Variants in POLDIP3 observed in about 807,000 individuals in gnomAD.
The protein encoded by POLDIP3 is polymerase delta-interacting protein 3.
POLDIP3 carries 14 observed loss-of-function variants against 45.1 expected under a neutral mutation model. The ratio of observed to expected loss-of-function variants is 0.31; its 90% CI spans 0.20 to 0.49. The LOEUF (loss-of-function observed/expected upper bound fraction) is 0.49, where lower values mean the gene tolerates loss of function less well. Among genes scored for constraint, POLDIP3 ranks in the 20% least tolerant of loss-of-function variants. The pLI, the probability that POLDIP3 is intolerant of heterozygous loss-of-function variation, is 0.99. For synonymous variants in POLDIP3, 223 were observed against 205.2 expected (o/e 1.09, Z -0.74); for missense variants, 511 against 538.8 (o/e 0.95, Z 0.51).
rs1021895484 is a variant in POLDIP3 at position 42,596,210 on chromosome 22, G to A, written c.789C>T (p.Pro263=). 6.2e-7 allele frequency: 1 copy of A among 1,614,140 alleles called. No homozygotes were observed. The highest frequency in any genetic ancestry group is 1.1e-5 in the South Asian group (1 of 91,076). Residue 263 remains proline (P), a synonymous_variant, in exon 5 of 9, where the codon CCC becomes CCT. Coordinates refer to ENST00000252115, the MANE Select transcript of POLDIP3 (RefSeq NM_032311.5). The part of the protein sequence containing the change: ...MSRTLVNKEE[P]PKELPAAEPV... ...CCTCAGCAGCTGGCAGCTCTTTGGG[G>A]GGTTCTTCCTTGTTCACCAGTGTCC...
intron 1 of POLDIP3, among the ~76,000 whole-genome samples, chr22:42,614,050 C>A (rs1467598568): frequency 6.6e-6 from 1 of 152,150 alleles, no homozygotes; most frequent in Admixed American, 6.6e-5. Context: ...AAGGAAATAA[C>A]CAATCTCCTG....
intron 4 of POLDIP3, 59 bp from the exon 5 acceptor site, chr22:42,596,424 C>A: frequency 6.6e-7 from 1 of 1,518,752 alleles, no homozygotes; most frequent in South Asian, 1.2e-5. Flanking sequence ...CTGAAGAAGC[C>A]CCAAGAGGTT....
rs780061985 is a variant in POLDIP3, at chr22:42,603,020, A to G, written c.200T>C (p.Leu67Pro). 1.2e-6 allele frequency: 2 copies of G among 1,614,056 alleles called. No individual in the cohort carries two copies. The highest frequency in any genetic ancestry group is 1.7e-6 in the Non-Finnish European group (2 of 1,180,018). ...CCGGGCATCCTTGACTCCCAGTTTG[A>G]GCCGGGCATCTGAGAGGCCAATCTT... Reference protein sequence around the residue: ...RQKIGLSDARLKLGVKDAREK... With the variant: ...RQKIGLSDARPKLGVKDAREK... Residue 67 changes from leucine to proline, a missense_variant, in exon 2 of 9, where the codon CTC (leucine) becomes CCC (proline). Physicochemically the swap from Leu to Pro is moderately conservative, Grantham distance 98 (BLOSUM62 -3). Coordinates refer to ENST00000252115, the MANE Select transcript of POLDIP3 (RefSeq NM_032311.5).
In POLDIP3 at chr22:42,602,786, A is replaced by G. The variant is rs1300999378; in HGVS notation, c.434T>C (p.Leu145Pro). The G allele has an allele frequency of 2.5e-6, 4 of 1,603,574 alleles. No homozygotes were observed. The highest frequency in any genetic ancestry group is 3.4e-6 in the Non-Finnish European group (4 of 1,174,046). Residue 145 changes from leucine to proline, a missense_variant, in exon 2 of 9, where the codon CTC becomes CCC. Physicochemically the swap from Leu to Pro is moderately conservative, Grantham distance 98. Around this residue, in one of 4 missense-constraint regions of POLDIP3, gnomAD observed 378 missense variants for 352.3 expected, o/e 1.07. Coordinates refer to ENST00000252115, the MANE Select transcript of POLDIP3 (RefSeq NM_032311.5). ...PIGTVTPALK[L>P]TKTIQVPQQK... ...ACAACTCACCTGGATGGTTTTGGTG[A>G]GCTTCAGAGCAGGGGTCACTGTCCC...
rs566768182 is a variant in POLDIP3 at position 42,591,087 on chromosome 22, A to G, written c.1021+868T>C. ...AAACTCAAAAAAAATAAAAAAATAA[A>G]AAAATAATAAAAAATAAAAATAAAA... On this transcript the variant is annotated intron_variant, in intron 7 of 8. Transcript: ENST00000252115. Among the ~76,000 whole-genome samples, 85 of 148,114 alleles carry G rather than the reference A, an allele frequency of 5.7e-4. 1 individual carries two copies. In the East Asian group the frequency reaches 9.9e-3, roughly 17 times the overall value.
In POLDIP3 at chr22:42,602,848, C is replaced by T; in HGVS notation, c.372G>A (p.Lys124=). Residue 124 remains lysine (K), a synonymous_variant, in exon 2 of 9, where the codon AAG becomes AAA. Transcript: ENST00000252115. ...TTATGAAGGCAGCAGGGGAACTCCT[C>T]TTCAAGCTGATCTTCTCCCGGGCAT... is the stretch of plus-strand genomic sequence containing the variant. ...VADAREKISL[K]RSSPAAFINP... 1 of 1,613,200 alleles carries T rather than the reference C, an allele frequency of 6.2e-7. No homozygotes were observed. The highest frequency in any genetic ancestry group is 8.5e-7 in the Non-Finnish European group (1 of 1,180,036).
chr22:42,588,109 A>C (rs1288518633), intron 7 of POLDIP3, among the ~76,000 whole-genome samples: 1 of 152,212 alleles, frequency 6.6e-6, no homozygotes, highest in Non-Finnish European at 1.5e-5. Context: ...TCATTAAAGG[A>C]ATTAAAATAT....
intron 3 of POLDIP3, among the ~76,000 whole-genome samples, chr22:42,600,023 C>G (rs1926251259): frequency 6.6e-6 from 1 of 152,156 alleles, no homozygotes; most frequent in African/African-American, 2.4e-5. Flanking sequence ...ATCAGAAGTC[C>G]CTTTTTCCCA....
chr22:42,611,494 A>G (rs1169177705), intron 1 of POLDIP3, among the ~76,000 whole-genome samples: 2 of 152,214 alleles, frequency 1.3e-5, no homozygotes, highest in East Asian at 3.8e-4. Flanking sequence ...GGCTATTTCT[A>G]CTAAGAGGAA....
chr22:42,593,300 G>C (rs1925781968), intron 6 of POLDIP3, among the ~76,000 whole-genome samples: 1 of 152,154 alleles, frequency 6.6e-6, no homozygotes, highest in African/African-American at 2.4e-5. Flanking sequence ...ACTATAAATA[G>C]TAGGTGTAAT....
intron 7 of POLDIP3, among the ~76,000 whole-genome samples, chr22:42,589,035 G>A (rs1450107681): frequency 6.6e-6 from 1 of 152,160 alleles, no homozygotes; most frequent in Non-Finnish European, 1.5e-5. Flanking sequence ...GAAGCCAGGA[G>A]TTTGACAGCA....
In POLDIP3 at chr22:42,585,619, C is replaced by T; in HGVS notation, c.*172G>A. ...TTAACGTAGAGAGAAGAGCACAGGG[C>T]AGAACACAACACAGAAAGGCGGGTC... On this transcript the variant is annotated 3_prime_UTR_variant, in exon 9 of 9. Coordinates refer to ENST00000252115, the MANE Select transcript of POLDIP3 (RefSeq NM_032311.5). 1.4e-6 allele frequency: 1 copy of T among 719,878 alleles called. No individual in the cohort carries two copies. Among genetic ancestry groups the T allele is most frequent in the Non-Finnish European group, 2.4e-6 (1 of 421,794 alleles). The allele number at this position is 719,878 out of a possible 1,614,324, so 44.6% of individuals were successfully genotyped here. A position where few individuals can be genotyped will look rare whatever the true frequency, so the allele number is the denominator to read the frequency against.
At chr22:42,611,966 A>C (rs1927145572) in intron 1 of POLDIP3, among the ~76,000 whole-genome samples, 1 of 152,256 alleles carries the variant, frequency 6.6e-6, no homozygotes, top group Non-Finnish European at 1.5e-5. Context: ...ACATTATCTT[A>C]ACAGGGACCA....
At chr22:42,610,034 C>A (rs538710632) in intron 1 of POLDIP3, among the ~76,000 whole-genome samples, 69 of 152,078 alleles carry the variant, frequency 4.5e-4, no homozygotes, top group African/African-American at 1.6e-3. Flanking sequence ...ATTAGCCGGG[C>A]GTAGTGGCCC....
chr22:42,587,383 C>A, intron 8 of POLDIP3, 123 bp downstream of exon 8: 1 of 1,029,168 alleles, frequency 9.7e-7, no homozygotes, highest in Admixed American at 2.1e-5. Context: ...GGCCAGCTGC[C>A]ATTAGAACAG....
chr22:42,607,681 G>A (rs56875625), intron 1 of POLDIP3, among the ~76,000 whole-genome samples: 14,766 of 151,510 alleles, frequency 0.097, 907 homozygotes, highest in Admixed American at 0.17. Context: ...CGGCCCGGCC[G>A]TCCATCGTCT....
At chr22:42,602,510 TC>T (rs1926456977) in intron 2 of POLDIP3, among the ~76,000 whole-genome samples, 1 of 152,196 alleles carries the variant, frequency 6.6e-6, no homozygotes, top group African/African-American at 2.4e-5. Flanking sequence ...CTCTCTTTCT[TC>T]CACCAGTATC....
At chr22:42,614,661 C>T in intron 1 of POLDIP3, 138 bp downstream of exon 1, 1 of 917,756 alleles carries the variant, frequency 1.1e-6, no homozygotes, top group South Asian at 1.6e-5. Flanking sequence ...ACGGCGGCAG[C>T]CGGCCAATGA....
At position 42,592,378 on chromosome 22, in the gene POLDIP3, A is replaced by G. The variant is rs142090792; in HGVS notation, c.892-294T>C. Among the ~76,000 whole-genome samples the G allele has an allele frequency of 5.0e-3, 754 of 151,978 alleles. 4 individuals carry two copies. The highest frequency in any genetic ancestry group is 0.016 in the African/African-American group (674 of 41,574). On this transcript the variant is annotated intron_variant, in intron 6 of 8. Transcript: ENST00000252115. ...GTGCCCACCTCAACAGGGATAAAAC[A>G]GTTATGAAAATTTTCGCAAAGAGCC...
Sources: gnomAD v4.1 joint callset for allele counts (sites outside exome capture counted in the v4.1 genomes callset) on GRCh38, gnomAD v4.1.1 for gene constraint, gnomAD v4.1.1 regional missense constraint, MANE v1.5 for transcripts, NCBI Gene and HGNC (gene_info 2026-07-23, HGNC 2026-07-21) for gene names.